Variants in RNASET2 observed in about 807,000 individuals in gnomAD.
RNASET2 encodes ribonuclease 6.
Under a neutral mutation model 33.9 loss-of-function variants are expected in RNASET2, and 28 were observed. The observed-to-expected ratio is 0.83, with a 90% CI of 0.61 to 1.13. The LOEUF (loss-of-function observed/expected upper bound fraction) is 1.13, where lower values mean the gene tolerates loss of function less well. Ranked by LOEUF, RNASET2 falls within the 50% of genes most tolerant of loss-of-function variation. RNASET2 has a pLI of 0.00. For missense variants in RNASET2, 330 were observed against 319.9 expected (o/e 1.03, Z -0.24); for synonymous variants, 123 against 121.0 (o/e 1.02, Z -0.11).
intron 7 of RNASET2, 41 bp from the exon 8 acceptor site, chr6:166,931,159 A>G: frequency 7.3e-7 from 1 of 1,370,870 alleles, no homozygotes; most frequent in Non-Finnish European, 1.0e-6. Flanking sequence ...AAACTTCAAC[A>G]GAAAAGATCT....
At position 166,925,151 on chromosome 6, in the gene RNASET2, A is replaced by G. The variant is rs1267784249; in HGVS notation, c.*4437T>C. ...CTGCTGCCCAGGCCTCATCTACGCCATCCAGCCCTCACTCCTGCCGCCCAG... is the reference window on the plus strand; with the variant it reads ...CTGCTGCCCAGGCCTCATCTACGCCGTCCAGCCCTCACTCCTGCCGCCCAG... On this transcript the variant is annotated 3_prime_UTR_variant, in exon 9 of 9. Transcript: ENST00000508775. Among the ~76,000 whole-genome samples the G allele has an allele frequency of 1.2e-4, 15 of 121,650 alleles. No individual in the cohort carries two copies. The highest frequency in any genetic ancestry group is 4.9e-4 in the African/African-American group (14 of 28,806). The allele number at this position is 121,650 out of a possible 152,430, so 79.8% of individuals were successfully genotyped here.
chr6:166,934,015 G>T, intron 7 of RNASET2, 76 bp downstream of exon 7: 1 of 1,024,434 alleles, frequency 9.8e-7, no homozygotes, highest in Non-Finnish European at 1.6e-6. Context: ...ACAGCCCATT[G>T]ACTCAGAGGC....
chr6:166,951,226 T>C (rs2128647298), intron 2 of RNASET2, among the ~76,000 whole-genome samples: 1 of 152,340 alleles, frequency 6.6e-6, no homozygotes, highest in Admixed American at 6.5e-5. Context: ...TTTCAAAGAC[T>C]TTTAGTACTT....
At position 166,933,778 on chromosome 6, in the gene RNASET2, C is replaced by A; in HGVS notation, c.492+313G>T. ...AAACAAACCACAAACAAATATAAGACTACGTTATAAAAGTGAATGTGACTC... is the reference window on the plus strand; with the variant it reads ...AAACAAACCACAAACAAATATAAGAATACGTTATAAAAGTGAATGTGACTC... On this transcript the variant is annotated intron_variant, in intron 7 of 8. Transcript: ENST00000508775. This position sits in a 1 kb window ranked among gnomAD's most constrained non-coding sequence, Gnocchi z 4.1. 1 of 409,672 alleles carries A rather than the reference C, an allele frequency of 2.4e-6. No homozygotes were observed. Among genetic ancestry groups the A allele is most frequent in the South Asian group, 3.8e-5 (1 of 26,318 alleles). 25.4% of individuals were successfully genotyped at this position (409,672 alleles called of 1,614,324 possible).
At chr6:166,932,284 T>C (rs62436418) in intron 7 of RNASET2, 56,241 of 152,512 alleles carry the variant, frequency 0.37, 10,827 homozygotes, top group Middle Eastern at 0.48. Context: ...CTCTCCCCAG[T>C]ACCACGGGGA....
intron 1 of RNASET2, chr6:166,953,270 A>G (rs1779031473): frequency 6.6e-6 from 1 of 152,572 alleles, no homozygotes. Flanking sequence ...CTAAGACTTC[A>G]AAGAAGCCAC....
chr6:166,931,751 C>T (rs964856896), intron 7 of RNASET2: 1 of 159,102 alleles, frequency 6.3e-6, no homozygotes, highest in Non-Finnish European at 1.4e-5. Flanking sequence ...TCCTCTCAGC[C>T]TCGTACTCTG....
chr6:166,937,125 T>C (rs1161724539), intron 6 of RNASET2, among the ~76,000 whole-genome samples: 2 of 152,170 alleles, frequency 1.3e-5, no homozygotes, highest in Non-Finnish European at 2.9e-5. Context: ...AGACACTCTC[T>C]TGGTTAATCC....
intron 2 of RNASET2, 92 bp downstream of exon 2, chr6:166,952,396 G>T: frequency 9.0e-7 from 1 of 1,104,986 alleles, no homozygotes; most frequent in Non-Finnish European, 1.4e-6. Context: ...TCCCGCACCA[G>T]CAGCGTGGGT....
chr6:166,951,007 C>T (rs139224912), intron 2 of RNASET2, among the ~76,000 whole-genome samples: 3,223 of 152,224 alleles, frequency 0.021, 105 homozygotes, highest in African/African-American at 0.072. Context: ...ACCACCAAGA[C>T]GCGGAGACCA....
In RNASET2 at chr6:166,922,296, T is replaced by C. The variant is rs928366537; in HGVS notation, c.*7292A>G. ...TCAAAAAGCGCGGTGATCTGAGTTA[T>C]AGTAAAGCCTGTTTCGTTGGTGTTT... On this transcript the variant is annotated 3_prime_UTR_variant, in exon 9 of 9. Coordinates refer to ENST00000508775, the MANE Select transcript of RNASET2 (RefSeq NM_003730.6). 1.3e-5 allele frequency among the ~76,000 whole-genome samples: 2 copies of C among 152,242 alleles called. No homozygotes were observed. Among genetic ancestry groups the C allele is most frequent in the Non-Finnish European group, 2.9e-5 (2 of 68,048 alleles).
At position 166,948,579 on chromosome 6, in the gene RNASET2, T is replaced by C. The variant is rs763394312; in HGVS notation, c.194A>G (p.His65Arg). ...CRDPPDYWTIHGLWPDKSEGC... is the reference protein window; with the variant it reads ...CRDPPDYWTIRGLWPDKSEGC... ...TGTGTGAGACACTTGCCATAGTCCA[T>C]GTATTGTCCAGTAATCCGGAGGGTC... The change falls in exon 3 of 9, where the codon CAT (histidine) becomes CGT (arginine). Residue 65 changes from histidine to arginine, a missense_variant. His to Arg is a conservative substitution (Grantham distance 29). Transcript: ENST00000508775. 2 of 1,599,728 alleles carry C rather than the reference T, an allele frequency of 1.3e-6. No homozygotes were observed. The highest frequency in any genetic ancestry group is 1.1e-5 in the South Asian group (1 of 90,838).
rs142497654 is a variant in RNASET2, at chr6:166,922,126, A to G, written c.*7462T>C. 5.1e-4 allele frequency among the ~76,000 whole-genome samples: 78 copies of G among 152,332 alleles called. 1 individual carries two copies. The East Asian group carries it at 0.011, about 21-fold the overall frequency. On this transcript the variant is annotated 3_prime_UTR_variant, in exon 9 of 9. Transcript: ENST00000508775. Reference sequence around the variant, plus strand: ...CAATTAATTCTCTCTGTTTTTAAAGACAGCTTCCACTTTTTATTGATAACT... The same window carrying G: ...CAATTAATTCTCTCTGTTTTTAAAGGCAGCTTCCACTTTTTATTGATAACT...
chr6:166,952,437 T>G (rs775236684), intron 2 of RNASET2, 51 bp downstream of exon 2: 3 of 1,537,016 alleles, frequency 2.0e-6, no homozygotes, highest in Non-Finnish European at 2.7e-6. Flanking sequence ...CACAAACCCC[T>G]CTTCACAGGG....
At chr6:166,944,850 T>C (rs1385981778) in intron 4 of RNASET2, among the ~76,000 whole-genome samples, 1 of 151,968 alleles carries the variant, frequency 6.6e-6, no homozygotes, top group African/African-American at 2.4e-5. Context: ...CCACCAGCAC[T>C]GTCCCCTCTG....
chr6:166,926,899 C>T lies in RNASET2; in HGVS notation c.*2689G>A, dbSNP rs1778313780. On this transcript the variant is annotated 3_prime_UTR_variant, in exon 9 of 9. Transcript: ENST00000508775. ...GCAGACGCCTGCTCTGGCTGAGACC[C>T]GGGCCAGCTGCCCCTCCTGGCTGCT... Among the ~76,000 whole-genome samples the T allele has an allele frequency of 1.3e-5, 2 of 152,322 alleles. No homozygotes were observed. The highest frequency in any genetic ancestry group is 2.4e-5 in the African/African-American group (1 of 41,570).
At chr6:166,931,902 G>T in intron 7 of RNASET2, 1 of 154,644 alleles carries the variant, frequency 6.5e-6, no homozygotes, top group Non-Finnish European at 1.4e-5. Flanking sequence ...GCTGCCGGCT[G>T]CCATTCCTGC....
intron 6 of RNASET2, among the ~76,000 whole-genome samples, chr6:166,936,510 C>A (rs939148934): frequency 2.0e-5 from 3 of 152,160 alleles, no homozygotes; most frequent in African/African-American, 7.2e-5. Flanking sequence ...GCAAGGGCCT[C>A]AGGAAACTTC....
Position 166,956,452 on chromosome 6 carries a change from G to A in RNASET2, c.-270C>T. The A allele has an allele frequency of 5.9e-6, 3 of 510,348 alleles. No homozygotes were observed. In the South Asian group the frequency reaches 6.6e-5, roughly 11 times the overall value. 31.6% of individuals were successfully genotyped at this position (510,348 alleles called of 1,614,324 possible). On this transcript the variant is annotated 5_prime_UTR_variant, in exon 1 of 9. Transcript: ENST00000508775. ...GCTCCCCTTCAGGATCGTGCACCAA[G>A]CGCGCACGTCCCGGGCTCTGCTTCG...
Sources: allele counts gnomAD v4.1 joint callset (sites outside exome capture counted in the v4.1 genomes callset), GRCh38; gene constraint gnomAD v4.1.1; non-coding constraint Gnocchi (gnomAD v3.1); transcripts MANE v1.5; gene names NCBI Gene and HGNC (gene_info 2026-07-23, HGNC 2026-07-21).